LRRIQ3: variants seen among roughly 807,000 people sequenced by gnomAD.
LRRIQ3 encodes leucine rich repeats and IQ motif containing 3, also known as leucine-rich repeat and IQ domain-containing protein 3.
A neutral mutation model predicts 59.3 loss-of-function variants in LRRIQ3; 75 were observed. The observed-to-expected ratio is 1.26, with a 90% CI of 1.05 to 1.53. The LOEUF (loss-of-function observed/expected upper bound fraction) is 1.53. LRRIQ3 is among the 40% of genes most tolerant of loss of function. The probability of loss-of-function intolerance (pLI) is 0.00; values close to 1 mark genes in which losing one functional copy is unlikely to be tolerated. For synonymous variants in LRRIQ3, 250 were observed against 231.3 expected (o/e 1.08, Z -0.73); for missense variants, 831 against 710.0 (o/e 1.17, Z -1.94).
At chr1:74,064,929 T>G (rs1654826881) in intron 6 of LRRIQ3, among the ~76,000 whole-genome samples, 1 of 152,102 alleles carries the variant, frequency 6.6e-6, no homozygotes, top group African/African-American at 2.4e-5. Context: ...ATTTATCTTA[T>G]TTGGAGTTTG....
chr1:74,184,482 G>A (rs1381132167), intron 1 of LRRIQ3, among the ~76,000 whole-genome samples: 1 of 152,092 alleles, frequency 6.6e-6, no homozygotes, highest in African/African-American at 2.4e-5. Flanking sequence ...ATTCCCCAAT[G>A]GAAGAATCGA....
rs547691238 is a variant in LRRIQ3 at position 74,178,769 on chromosome 1, C to T, written c.573+3769G>A. Among the ~76,000 whole-genome samples, 4 of 152,200 alleles carry T rather than the reference C, an allele frequency of 2.6e-5. No individual in the cohort carries two copies. The East Asian group carries it at 7.7e-4, about 29-fold the overall frequency. On this transcript the variant is annotated intron_variant, in intron 3 of 7. Transcript: ENST00000354431. ...GGTAGTCATGTGAGGCAGTTCCAGT[C>T]ATAGAAGTCTATCAAGTAAGACATT...
rs181523645 is a variant in LRRIQ3 at position 74,033,741 on chromosome 1, T to A, written c.1719-6772A>T. On this transcript the variant is annotated intron_variant, in intron 7 of 7. Coordinates refer to ENST00000354431, the MANE Select transcript of LRRIQ3 (RefSeq NM_001105659.2). ...GAAAAAGCTTCATAAGTCAAAATGATGTAAAGACCACAGTAAATGAAGATG... is the reference window on the plus strand; with the variant it reads ...GAAAAAGCTTCATAAGTCAAAATGAAGTAAAGACCACAGTAAATGAAGATG... Among the ~76,000 whole-genome samples the A allele has an allele frequency of 9.1e-4, 138 of 152,046 alleles. No individual in the cohort carries two copies. In the East Asian group the frequency reaches 0.017, roughly 19 times the overall value.
intron 6 of LRRIQ3, among the ~76,000 whole-genome samples, chr1:74,054,743 T>TATAC (rs1205932077): frequency 1.4e-5 from 2 of 144,822 alleles, no homozygotes; most frequent in Non-Finnish European, 3.0e-5. Flanking sequence ...AACACAAATA[T>TATAC]ATATATATAT....
chr1:74,150,355 A>T (rs1236284596), intron 4 of LRRIQ3, among the ~76,000 whole-genome samples: 1 of 152,118 alleles, frequency 6.6e-6, no homozygotes, highest in Non-Finnish European at 1.5e-5. Context: ...CTTACATAGA[A>T]CTGAATTGAA....
Position 74,109,431 on chromosome 1 carries a change from T to A in LRRIQ3, c.830A>T (p.Glu277Val). 1 of 1,562,296 alleles carries A rather than the reference T, an allele frequency of 6.4e-7. No individual in the cohort carries two copies. The highest frequency in any genetic ancestry group is 8.7e-7 in the Non-Finnish European group (1 of 1,152,932). Residue 277 changes from glutamate to valine, a missense_variant, in exon 5 of 8, where the codon GAA (glutamate) becomes GTA (valine). Physicochemically the swap from Glu to Val is moderately radical, Grantham distance 121 (BLOSUM62 -2). Coordinates refer to ENST00000354431, the MANE Select transcript of LRRIQ3 (RefSeq NM_001105659.2). Reference sequence around the variant, plus strand: ...TGCAAGCTTTCCTTTTATATTAGTTTCAGGTTTGAAAAAGAGATCCTTAAG... The same window carrying A: ...TGCAAGCTTTCCTTTTATATTAGTTACAGGTTTGAAAAAGAGATCCTTAAG... The part of the protein sequence containing the change: ...KLLKDLFFKP[E>V]TNIKGKLAYW...
chr1:74,093,850 T>C (rs1041507349), intron 5 of LRRIQ3, among the ~76,000 whole-genome samples: 34 of 152,148 alleles, frequency 2.2e-4, no homozygotes, highest in African/African-American at 7.9e-4. Context: ...CATGACATGG[T>C]TTGATGAGCT....
chr1:74,050,100 T>A (rs1008977207), intron 6 of LRRIQ3, among the ~76,000 whole-genome samples: 1 of 151,956 alleles, frequency 6.6e-6, no homozygotes, highest in Non-Finnish European at 1.5e-5. Context: ...ATTTTTGTAT[T>A]TTTAGTAGAG....
chr1:74,082,397 C>A (rs528320448), intron 5 of LRRIQ3: 1 of 151,532 alleles, frequency 6.6e-6, no homozygotes, highest in East Asian at 1.9e-4. Flanking sequence ...TGAGTTTACA[C>A]TGCTTAAGTA....
At chr1:74,143,616 G>C (rs902921390) in intron 4 of LRRIQ3, among the ~76,000 whole-genome samples, 1 of 151,388 alleles carries the variant, frequency 6.6e-6, no homozygotes, top group African/African-American at 2.4e-5. Context: ...TAACTTTTAA[G>C]GTAGGAATTA....
intron 7 of LRRIQ3, among the ~76,000 whole-genome samples, chr1:74,036,233 A>G (rs371350202): frequency 2.6e-5 from 4 of 152,164 alleles, no homozygotes; most frequent in Admixed American, 2.6e-4. Context: ...ATTGCTCTCA[A>G]CTTCCGCCTC....
intron 1 of LRRIQ3, among the ~76,000 whole-genome samples, chr1:74,186,256 T>G (rs934113881): frequency 5.3e-5 from 8 of 152,112 alleles, no homozygotes; most frequent in African/African-American, 1.9e-4. Context: ...TGTCTATAGA[T>G]TCATCCACCA....
chr1:74,116,561 GTAT>G (rs1007995112), intron 4 of LRRIQ3, among the ~76,000 whole-genome samples: 100 of 151,974 alleles, frequency 6.6e-4, no homozygotes, highest in African/African-American at 2.3e-3. Flanking sequence ...CAATACACAG[GTAT>G]TATTAACTAA....
intron 6 of LRRIQ3, among the ~76,000 whole-genome samples, chr1:74,065,042 T>C (rs986290152): frequency 1.3e-5 from 2 of 152,088 alleles, no homozygotes; most frequent in Admixed American, 6.6e-5. Context: ...CTTCACCTAG[T>C]TCTCCCATTA....
chr1:74,168,072 T>G (rs960652863), intron 3 of LRRIQ3, among the ~76,000 whole-genome samples: 5 of 152,050 alleles, frequency 3.3e-5, no homozygotes, highest in African/African-American at 1.2e-4. Context: ...TGTTGGGTGG[T>G]GTTCTATAAA....
At chr1:74,127,915 A>G (rs1368832870) in intron 4 of LRRIQ3, among the ~76,000 whole-genome samples, 1 of 151,924 alleles carries the variant, frequency 6.6e-6, no homozygotes, top group African/African-American at 2.4e-5. Flanking sequence ...TCTGGTATTG[A>G]TGAAATCCCT....
At chr1:74,177,559 T>A (rs1259777203) in intron 3 of LRRIQ3, among the ~76,000 whole-genome samples, 1 of 152,182 alleles carries the variant, frequency 6.6e-6, no homozygotes, top group Non-Finnish European at 1.5e-5. Flanking sequence ...AACTGTTCTA[T>A]CGAGTCTGCC....
intron 4 of LRRIQ3, among the ~76,000 whole-genome samples, chr1:74,136,483 C>T (rs1647126400): frequency 6.6e-6 from 1 of 151,886 alleles, no homozygotes; most frequent in South Asian, 2.1e-4. Flanking sequence ...CCCTACTAAG[C>T]AGCTTAACGG....
chr1:74,194,571 A>G (rs2100748848), intron 1 of LRRIQ3, among the ~76,000 whole-genome samples: 1 of 152,262 alleles, frequency 6.6e-6, no homozygotes, highest in African/African-American at 2.4e-5. Context: ...GTGAGACCTC[A>G]TTTTTCAATT....
Sources: gnomAD v4.1 joint callset for allele counts (sites outside exome capture counted in the v4.1 genomes callset) on GRCh38, gnomAD v4.1.1 for gene constraint, MANE v1.5 for transcripts, NCBI Gene and HGNC (gene_info 2026-07-23, HGNC 2026-07-21) for gene names.